TRPM6: variants seen among roughly 807,000 people sequenced by gnomAD.
TRPM6 encodes channel kinase 2.
A neutral mutation model predicts 247.6 loss-of-function variants in TRPM6; 111 were observed. That is an observed-to-expected ratio of 0.45 (90% CI 0.38 to 0.52). The LOEUF (loss-of-function observed/expected upper bound fraction) is 0.52. Among genes scored for constraint, TRPM6 ranks in the 20% least tolerant of loss-of-function variants. The probability of loss-of-function intolerance (pLI) is 0.00; values close to 1 mark genes in which losing one functional copy is unlikely to be tolerated. For missense variants in TRPM6, 2,126 were observed against 2,421.5 expected (o/e 0.88, Z 2.56); for synonymous variants, 892 against 853.8 (o/e 1.04, Z -0.78).
intron 3 of TRPM6, among the ~76,000 whole-genome samples, chr9:74,853,079 G>A (rs545833845): frequency 6.6e-6 from 1 of 151,992 alleles, no homozygotes; most frequent in South Asian, 2.1e-4. Flanking sequence ...TCTGGGATGT[G>A]AGGAGCGCCT....
In TRPM6 at chr9:74,724,494, G is replaced by T; in HGVS notation, c.*119C>A. The T allele has an allele frequency of 7.0e-7, 1 of 1,425,378 alleles. No individual in the cohort carries two copies. Among genetic ancestry groups the T allele is most frequent in the South Asian group, 1.2e-5 (1 of 85,622 alleles). The allele number at this position is 1,425,378 out of a possible 1,614,324, so 88.3% of individuals were successfully genotyped here. A position where few individuals can be genotyped will look rare whatever the true frequency, so the allele number is the denominator to read the frequency against. On this transcript the variant is annotated 3_prime_UTR_variant, in exon 39 of 39. Coordinates refer to ENST00000360774, the MANE Select transcript of TRPM6 (RefSeq NM_017662.5). ...GCCTTTGAACAGAAGGAGATGTGAG[G>T]CTCAGAAGGCGTGTCCCAAGGAGAC...
At chr9:74,814,963 A>G (rs963307834) in intron 11 of TRPM6, among the ~76,000 whole-genome samples, 1 of 152,138 alleles carries the variant, frequency 6.6e-6, no homozygotes, top group East Asian at 1.9e-4. Context: ...TAAATAAATT[A>G]GTTAATTGAT....
chr9:74,793,876 C>G (rs1827993294), intron 18 of TRPM6, among the ~76,000 whole-genome samples: 1 of 152,060 alleles, frequency 6.6e-6, no homozygotes, highest in South Asian at 2.1e-4. Flanking sequence ...TGTGTCAGTC[C>G]AAGGGAATTA....
chr9:74,775,979 G>A lies in TRPM6; in HGVS notation c.3307C>T (p.Pro1103Ser). Residue 1103 changes from proline (P) to serine (S), a missense_variant, in exon 24 of 39, where the codon CCA becomes TCA. Coordinates refer to ENST00000360774, the MANE Select transcript of TRPM6 (RefSeq NM_017662.5). ...ACGTGGCTCAGCAGGATGAGAGGTG[G>A]GGGCAGCCAGGGCTTCTCGTGGTAG... ...MTYHEKPWLP[P>S]PLILLSHVGL... The A allele has an allele frequency of 6.2e-7, 1 of 1,614,150 alleles. No individual in the cohort carries two copies. Among genetic ancestry groups the A allele is most frequent in the Non-Finnish European group, 8.5e-7 (1 of 1,180,026 alleles).
intron 36 of TRPM6, among the ~76,000 whole-genome samples, chr9:74,735,351 G>A (rs1223789898): frequency 6.6e-6 from 1 of 152,126 alleles, no homozygotes; most frequent in African/African-American, 2.4e-5. Flanking sequence ...CTCATGTCAG[G>A]TAATATGCAG....
At chr9:74,879,964 C>T (rs956270314) in intron 1 of TRPM6, among the ~76,000 whole-genome samples, 5 of 152,000 alleles carry the variant, frequency 3.3e-5, no homozygotes, top group African/African-American at 1.2e-4. Flanking sequence ...AATGAGTCCC[C>T]AACTTGTGTG....
At chr9:74,795,012 T>C (rs571953967) in intron 18 of TRPM6, among the ~76,000 whole-genome samples, 10 of 152,260 alleles carry the variant, frequency 6.6e-5, no homozygotes, top group Non-Finnish European at 1.2e-4. Flanking sequence ...TAGAATAGAT[T>C]TTGTTATACA....
intron 1 of TRPM6, among the ~76,000 whole-genome samples, chr9:74,880,372 C>T (rs1831324080): frequency 6.6e-6 from 1 of 151,984 alleles, no homozygotes; most frequent in South Asian, 2.1e-4. Context: ...AGATACAATT[C>T]AAAAAGATCT....
intron 30 of TRPM6, among the ~76,000 whole-genome samples, chr9:74,748,645 TAG>T (rs1322482575): frequency 1.3e-5 from 2 of 152,194 alleles, no homozygotes; most frequent in Non-Finnish European, 2.9e-5. Context: ...AAATGGCTTC[TAG>T]AATAAGGATA....
At chr9:74,760,630 C>T (rs897079986) in intron 27 of TRPM6, among the ~76,000 whole-genome samples, 1 of 152,130 alleles carries the variant, frequency 6.6e-6, no homozygotes, top group East Asian at 1.9e-4. Context: ...TGAAATTGTA[C>T]CATGAGATAC....
At chr9:74,738,633 A>G (rs370353430) in intron 35 of TRPM6, 21 bp from the exon 36 acceptor site, 338 of 1,609,480 alleles carry the variant, frequency 2.1e-4, no homozygotes, top group Non-Finnish European at 2.8e-4. Flanking sequence ...AAAAGAGGCC[A>G]TTGATCCCCC....
At chr9:74,735,709 G>T (rs1412492086) in intron 36 of TRPM6, among the ~76,000 whole-genome samples, 1 of 152,096 alleles carries the variant, frequency 6.6e-6, no homozygotes, top group African/African-American at 2.4e-5. Flanking sequence ...TTTTAATGAT[G>T]ATGATTCAGG....
At position 74,802,723 on chromosome 9, in the gene TRPM6, C is replaced by G. The variant is rs147468478; in HGVS notation, c.1732-548G>C. ...CATCCCTAGTGTAGCCAACATGTAT[C>G]CAAATAGATTGATTTGAAGTTTCTT... On this transcript the variant is annotated intron_variant, in intron 15 of 38. Transcript: ENST00000360774. Among the ~76,000 whole-genome samples the G allele has an allele frequency of 3.4e-3, 520 of 152,236 alleles. 3 individuals carry two copies. The highest frequency in any genetic ancestry group is 0.012 in the African/African-American group (503 of 41,540).
At chr9:74,770,720 C>T (rs1364623433) in intron 25 of TRPM6, among the ~76,000 whole-genome samples, 1 of 152,148 alleles carries the variant, frequency 6.6e-6, no homozygotes, top group Non-Finnish European at 1.5e-5. Context: ...AAGCCAGACC[C>T]TCCATTTTCC....
chr9:74,822,365 TC>T (rs1829159172), intron 7 of TRPM6, among the ~76,000 whole-genome samples: 1 of 151,670 alleles, frequency 6.6e-6, no homozygotes, highest in Non-Finnish European at 1.5e-5. Flanking sequence ...TCCTCCTGTC[TC>T]AGCCTCCTGA....
At chr9:74,887,742 A>G (rs1429395990) in intron 1 of TRPM6, 82 bp downstream of exon 1, 4 of 1,613,492 alleles carry the variant, frequency 2.5e-6, no homozygotes, top group Middle Eastern at 3.3e-4. Flanking sequence ...GGCCCCACCC[A>G]CTTCTATCTA....
At position 74,800,371 on chromosome 9, in the gene TRPM6, G is replaced by A; in HGVS notation, c.2121C>T (p.Cys707=). The change falls in exon 17 of 39, where the codon TGC becomes TGT. Residue 707 remains cysteine, a synonymous_variant. Transcript: ENST00000360774. ...ATCCTCCCGACACGGCCAGTTTAAG[G>A]CAGGTCGAATTGCTCCAGTTCCTGA... The part of the protein sequence containing the change: ...YELRNWSNST[C]LKLAVSGGLR... The A allele has an allele frequency of 1.2e-6, 2 of 1,613,966 alleles. No individual in the cohort carries two copies. The highest frequency in any genetic ancestry group is 1.7e-6 in the Non-Finnish European group (2 of 1,179,996).
chr9:74,798,781 T>C (rs990993896), intron 17 of TRPM6, among the ~76,000 whole-genome samples: 2 of 152,198 alleles, frequency 1.3e-5, no homozygotes, highest in African/African-American at 2.4e-5. Flanking sequence ...CTTAGAGACT[T>C]TAAGTAGCTA....
chr9:74,771,439 G>T (rs1827036030), intron 25 of TRPM6, among the ~76,000 whole-genome samples: 1 of 152,034 alleles, frequency 6.6e-6, no homozygotes, highest in Non-Finnish European at 1.5e-5. Context: ...ACACACGCGC[G>T]CGCGCATGAA....
Sources: allele counts gnomAD v4.1 joint callset (sites outside exome capture counted in the v4.1 genomes callset), GRCh38; gene constraint gnomAD v4.1.1; transcripts MANE v1.5; gene names NCBI Gene and HGNC (gene_info 2026-07-23, HGNC 2026-07-21).